SP6: variants seen among roughly 807,000 people sequenced by gnomAD.
The protein encoded by SP6 is Sp6 transcription factor, also known as transcription factor Sp6.
In SP6, 10 loss-of-function variants were observed where a neutral mutation model predicts 23.4. The observed-to-expected ratio is 0.43, with a 90% confidence interval of 0.26 to 0.72. SP6 has a LOEUF of 0.72. Ranked by LOEUF, SP6 falls within the 30% of genes least tolerant of loss-of-function variation. The probability of loss-of-function intolerance (pLI) is 0.23; values close to 1 mark genes in which losing one functional copy is unlikely to be tolerated. For missense variants in SP6, 482 were observed against 523.8 expected, an observed-to-expected ratio of 0.92 and a Z score of 0.78; for synonymous variants, 238 against 238.7, an observed-to-expected ratio of 1.00 and a Z score of 0.03.
the SP6 span, among the ~76,000 whole-genome samples, chr17:47,863,722 C>T: frequency 6.7e-6 from 1 of 149,382 alleles, no homozygotes; most frequent in African/African-American, 2.5e-5. Flanking sequence ...GCATGTGCCA[C>T]CACGCCTAAT....
Position 47,848,917 on chromosome 17 carries a change from A to G in SP6, c.-57-431T>C, listed in dbSNP as rs1313076859. 1.3e-5 allele frequency among the ~76,000 whole-genome samples: 2 copies of G among 152,150 alleles called. No individual in the cohort carries two copies. The highest frequency in any genetic ancestry group is 2.9e-5 in the Non-Finnish European group (2 of 68,036). ...TTCCCCAGTTTAACTCAGGATACAG[A>G]TGGGAGAGGGGATGGTCTATTTCTG... On this transcript the variant is annotated intron_variant, in intron 1 of 1. Transcript: ENST00000536300. This position sits in a 1 kb window ranked among gnomAD's most constrained non-coding sequence, Gnocchi z 5.3.
chr17:47,858,419 A>G (rs919142207), upstream of SP6, among the ~76,000 whole-genome samples: 3 of 152,144 alleles, frequency 2.0e-5, no homozygotes, highest in African/African-American at 7.2e-5. Context: ...ACCTGCTCCA[A>G]AGGCAGACAC....
chr17:47,850,618 C>T (rs1200783101), intron 1 of SP6, among the ~76,000 whole-genome samples: 1 of 152,220 alleles, frequency 6.6e-6, no homozygotes, highest in Non-Finnish European at 1.5e-5. Context: ...GAAGGCAAGT[C>T]GGTGCACCCT....
rs1257091382 is a variant in SP6 at position 47,851,154 on chromosome 17, C to G, written c.-293G>C. Reference sequence around the variant, plus strand: ...AGGCCAGCTCCGCCCGTGACTCACCCGCGCTCTCTGCCTTCATCCTCTCCC... The same window carrying G: ...AGGCCAGCTCCGCCCGTGACTCACCGGCGCTCTCTGCCTTCATCCTCTCCC... On this transcript the variant is annotated 5_prime_UTR_variant, in exon 1 of 2. Coordinates refer to ENST00000536300, the MANE Select transcript of SP6 (RefSeq NM_001258248.2). The G allele has an allele frequency of 3.9e-5, 6 of 152,348 alleles. No homozygotes were observed. Among genetic ancestry groups the G allele is most frequent in the Non-Finnish European group, 7.3e-5 (5 of 68,150 alleles). The allele number at this position is 152,348 out of a possible 1,614,324, so 9.4% of individuals were successfully genotyped here.
At position 47,847,369 on chromosome 17, in the gene SP6, C is replaced by T. The variant is rs532938868; in HGVS notation, c.1061G>A (p.Gly354Asp). The stretch of plus-strand genomic sequence containing the variant: ...GCCCCCGGGGGGCTCCACTGCGCCG[C>T]CGGCCTTGCCCTCTCCCGAGGCCGC... ...AGAASGEGKA[G>D]GAVEPPGGKG... Residue 354 changes from glycine to aspartate, a missense_variant, in exon 2 of 2, where the codon GGC (glycine) becomes GAC (aspartate). Gly to Asp is a moderately conservative substitution (Grantham distance 94). Around this residue, in one of 3 missense-constraint regions of SP6, gnomAD observed 101 missense variants for 99.3 expected, o/e 1.02. Transcript: ENST00000536300. 5 of 1,608,962 alleles carry T rather than the reference C, an allele frequency of 3.1e-6. No homozygotes were observed. In the African/African-American group the frequency reaches 6.7e-5, roughly 21 times the overall value.
At chr17:47,867,141 G>A in the SP6 span, among the ~76,000 whole-genome samples, 24 of 152,264 alleles carry the variant, frequency 1.6e-4, no homozygotes, top group African/African-American at 5.1e-4. Flanking sequence ...GTCTTATCGC[G>A]CTGCCCCAGT....
upstream of SP6, among the ~76,000 whole-genome samples, chr17:47,855,330 C>T (rs2033990630): frequency 6.6e-6 from 1 of 152,172 alleles, no homozygotes. Context: ...ACTATCCTTG[C>T]AGGTGTTCTG....
At chr17:47,863,354 A>C in the SP6 span, 3 of 152,160 alleles carry the variant, frequency 2.0e-5, no homozygotes, top group Admixed American at 6.5e-5. Context: ...TCATGGAGGC[A>C]GGGGGTTTCG....
At chr17:47,857,608 C>A (rs971727674), upstream of SP6, among the ~76,000 whole-genome samples, 1 of 152,120 alleles carries the variant, frequency 6.6e-6, no homozygotes, top group Non-Finnish European at 1.5e-5. Flanking sequence ...TAGACCCTGC[C>A]TGGACAGCAA....
At position 47,848,088 on chromosome 17, in the gene SP6, G is replaced by A. The variant is rs1255875128; in HGVS notation, c.342C>T (p.Gly114=). 2 of 1,613,430 alleles carry A rather than the reference G, an allele frequency of 1.2e-6. No homozygotes were observed. The change falls in exon 2 of 2, where the codon GGC becomes GGT. Residue 114 remains glycine (G), a synonymous_variant. Coordinates refer to ENST00000536300, the MANE Select transcript of SP6 (RefSeq NM_001258248.2). This position sits in a 1 kb window ranked among gnomAD's most constrained non-coding sequence, Gnocchi z 5.3. ...GGTCCCACCACGAGCCATCCTCCGCGCCTGGGTGAGTCGGCCTGAACCACG... is the reference window on the plus strand; with the variant it reads ...GGTCCCACCACGAGCCATCCTCCGCACCTGGGTGAGTCGGCCTGAACCACG... ...YESWFRPTHP[G]AEDGSWWDLH... is the part of the protein sequence containing the mutation.
the SP6 span, among the ~76,000 whole-genome samples, chr17:47,870,335 C>G: frequency 6.6e-6 from 1 of 152,196 alleles, no homozygotes; most frequent in South Asian, 2.1e-4. Context: ...TTTCATCTCC[C>G]TCCTCTGCTT....
At chr17:47,873,317 A>G in the SP6 span, among the ~76,000 whole-genome samples, 2 of 152,134 alleles carry the variant, frequency 1.3e-5, no homozygotes, top group African/African-American at 2.4e-5. Flanking sequence ...CCATCTGCAA[A>G]GGACTTTCCC....
At chr17:47,854,253 C>T (rs991063371), upstream of SP6, among the ~76,000 whole-genome samples, 4 of 152,180 alleles carry the variant, frequency 2.6e-5, no homozygotes, top group African/African-American at 9.7e-5. Context: ...TTATCACAAA[C>T]GGCATTTATT....
chr17:47,867,069 C>T, the SP6 span, among the ~76,000 whole-genome samples: 3 of 152,276 alleles, frequency 2.0e-5, no homozygotes, highest in Non-Finnish European at 2.9e-5. Flanking sequence ...CCGGCTGGGA[C>T]GTACACACCC....
chr17:47,859,179 C>T (rs145793671), upstream of SP6, among the ~76,000 whole-genome samples: 23 of 152,308 alleles, frequency 1.5e-4, no homozygotes, highest in East Asian at 3.1e-3. Context: ...ACTTCACCTA[C>T]GCAGTCTTCT....
At chr17:47,862,814 T>C in the SP6 span, among the ~76,000 whole-genome samples, 3 of 152,234 alleles carry the variant, frequency 2.0e-5, no homozygotes, top group Non-Finnish European at 2.9e-5. Flanking sequence ...GCCTGGAGCA[T>C]TGGACTTCAG....
chr17:47,850,700 G>C (rs2033944785), intron 1 of SP6, among the ~76,000 whole-genome samples: 1 of 152,130 alleles, frequency 6.6e-6, no homozygotes, highest in South Asian at 2.1e-4. Context: ...CGGTCCTCTG[G>C]TTGTCCCAGT....
upstream of SP6, among the ~76,000 whole-genome samples, chr17:47,851,615 A>G (rs1289428251): frequency 6.6e-6 from 1 of 152,140 alleles, no homozygotes; most frequent in Non-Finnish European, 1.5e-5. Flanking sequence ...GAAAGAAGGA[A>G]ACAAGATTGA....
rs1416399601 is a variant in SP6, at chr17:47,848,545, A to AC, written c.-57-60dup. The AC allele has an allele frequency of 7.8e-5, 76 of 969,030 alleles. No individual in the cohort carries two copies. Among genetic ancestry groups the AC allele is most frequent in the Non-Finnish European group, 1.1e-4 (72 of 667,534 alleles). The allele number at this position is 969,030 out of a possible 1,614,324, so 60.0% of individuals were successfully genotyped here. On this transcript the variant is annotated intron_variant, in intron 1 of 1. Coordinates refer to ENST00000536300, the MANE Select transcript of SP6 (RefSeq NM_001258248.2). This position sits in a 1 kb window ranked among gnomAD's most constrained non-coding sequence, Gnocchi z 5.3. ...AATAACCAGCTCACTTTCCCTCCTA[A>AC]CCCAGGTCCTCCTCTCTGGCCCCAG... is the stretch of plus-strand genomic sequence containing the variant.
Sources: gnomAD v4.1 joint callset for allele counts (sites outside exome capture counted in the v4.1 genomes callset) on GRCh38, gnomAD v4.1.1 for gene constraint, gnomAD v4.1.1 regional missense constraint, Gnocchi (gnomAD v3.1) non-coding constraint, MANE v1.5 for transcripts, NCBI Gene and HGNC (gene_info 2026-07-23, HGNC 2026-07-21) for gene names.